LAMA2: variants seen among roughly 807,000 people sequenced by gnomAD.
LAMA2 encodes the protein laminin subunit alpha-2.
A neutral mutation model predicts 364.8 loss-of-function variants in LAMA2; 269 were observed. That is an observed-to-expected ratio of 0.74 (90% confidence interval 0.67 to 0.82). LAMA2 has a LOEUF of 0.82. LAMA2 is among the 40% of genes least tolerant of loss of function. LAMA2 has a pLI of 0.00. For synonymous variants in LAMA2, 1,379 were observed against 1,370.6 expected (o/e 1.01, Z -0.14); for missense variants, 3,807 against 3,873.2 (o/e 0.98, Z 0.45).
At chr6:129,498,612 A>G (rs1490957513) in intron 58 of LAMA2, among the ~76,000 whole-genome samples, 2 of 152,230 alleles carry the variant, frequency 1.3e-5, no homozygotes, top group Non-Finnish European at 2.9e-5. Context: ...TTATTCATCC[A>G]TAAAGAAAAT....
At chr6:128,918,342 G>T (rs1315703151) in intron 1 of LAMA2, among the ~76,000 whole-genome samples, 1 of 152,022 alleles carries the variant, frequency 6.6e-6, no homozygotes, top group Admixed American at 6.6e-5. Context: ...TTTTTAGGAT[G>T]TATATATATT....
intron 35 of LAMA2, among the ~76,000 whole-genome samples, chr6:129,388,979 A>G (rs1444141202): frequency 6.6e-6 from 1 of 152,204 alleles, no homozygotes. Flanking sequence ...CTTCCCACCT[A>G]GTTTGCTGGA....
intron 1 of LAMA2, among the ~76,000 whole-genome samples, chr6:129,027,340 C>G (rs1279632839): frequency 2.0e-5 from 3 of 152,020 alleles, no homozygotes; most frequent in Non-Finnish European, 4.4e-5. Context: ...CACATATTTT[C>G]ACCCCACTGA....
At chr6:129,205,393 C>T (rs530275161) in intron 12 of LAMA2, among the ~76,000 whole-genome samples, 1 of 130,404 alleles carries the variant, frequency 7.7e-6, no homozygotes, top group East Asian at 2.3e-4. Flanking sequence ...GATTCCATCT[C>T]AAAAAAAAAA....
At chr6:129,081,417 AT>A (rs769016751) in intron 3 of LAMA2, among the ~76,000 whole-genome samples, 2 of 152,216 alleles carry the variant, frequency 1.3e-5, no homozygotes, top group African/African-American at 2.4e-5. Context: ...CTTAAAAAAA[AT>A]GAAATGTCCG....
chr6:129,314,850 G>C (rs755109992), intron 24 of LAMA2, 52 bp downstream of exon 24: 1 of 1,596,906 alleles, frequency 6.3e-7, no homozygotes, highest in South Asian at 1.1e-5. Context: ...GTTCCTGCTG[G>C]TGTCTTTTAG....
At chr6:128,913,111 C>T (rs1209099269) in intron 1 of LAMA2, among the ~76,000 whole-genome samples, 2 of 152,138 alleles carry the variant, frequency 1.3e-5, no homozygotes, top group Non-Finnish European at 2.9e-5. Flanking sequence ...CCAATCCACT[C>T]TGAGAGATTA....
At chr6:129,428,446 C>T (rs1422278351) in intron 41 of LAMA2, among the ~76,000 whole-genome samples, 1 of 152,118 alleles carries the variant, frequency 6.6e-6, no homozygotes, top group African/African-American at 2.4e-5. Context: ...AAAAGAAAAA[C>T]AAAATTAAAT....
chr6:129,080,288 A>G (rs558147048), intron 3 of LAMA2, among the ~76,000 whole-genome samples: 2 of 152,212 alleles, frequency 1.3e-5, no homozygotes, highest in Non-Finnish European at 2.9e-5. Context: ...TTCTGATGTC[A>G]AAGCCTGCCG....
intron 10 of LAMA2, among the ~76,000 whole-genome samples, chr6:129,184,503 G>A (rs115146274): frequency 0.019 from 2,925 of 151,866 alleles, 115 homozygotes; most frequent in African/African-American, 0.066. Context: ...ACCTAGCTTG[G>A]TTAAAGCAAG....
At chr6:128,910,812 C>A (rs13205730) in intron 1 of LAMA2, among the ~76,000 whole-genome samples, 1 of 147,444 alleles carries the variant, frequency 6.8e-6, no homozygotes, top group Non-Finnish European at 1.5e-5. Flanking sequence ...CAGATGGGTT[C>A]TTGGTGTGGA....
At chr6:129,230,855 A>G (rs959824995) in intron 12 of LAMA2, among the ~76,000 whole-genome samples, 2 of 152,098 alleles carry the variant, frequency 1.3e-5, no homozygotes, top group African/African-American at 4.8e-5. Flanking sequence ...GACAGTGATG[A>G]GAAACCCTCA....
chr6:129,391,353 C>A (rs1217094915), intron 35 of LAMA2, 138 bp from the exon 36 acceptor site: 1 of 760,682 alleles, frequency 1.3e-6, no homozygotes, highest in South Asian at 1.4e-5. Context: ...TCTTAACTGC[C>A]TCTGTGGTTC....
intron 1 of LAMA2, among the ~76,000 whole-genome samples, chr6:129,009,879 T>C (rs982938548): frequency 2.0e-5 from 3 of 152,180 alleles, no homozygotes; most frequent in Non-Finnish European, 4.4e-5. Context: ...CTTGATTATA[T>C]GGCAGGATCC....
intron 40 of LAMA2, among the ~76,000 whole-genome samples, chr6:129,414,299 G>A (rs1780679900): frequency 6.6e-6 from 1 of 151,944 alleles, no homozygotes; most frequent in Non-Finnish European, 1.5e-5. Flanking sequence ...GGAAAAAGAA[G>A]AAAAATTTCC....
intron 1 of LAMA2, among the ~76,000 whole-genome samples, chr6:128,902,824 T>A (rs1777174289): frequency 6.6e-6 from 1 of 152,138 alleles, no homozygotes; most frequent in South Asian, 2.1e-4. Context: ...CAACACCCAA[T>A]GTTTTCTTGA....
At chr6:129,279,913 A>G in intron 17 of LAMA2, 148 bp from the exon 18 acceptor site, 1 of 714,440 alleles carries the variant, frequency 1.4e-6, no homozygotes, top group East Asian at 2.7e-5. Context: ...TCCATTGGCC[A>G]GACCCTAATC....
intron 1 of LAMA2, among the ~76,000 whole-genome samples, chr6:129,024,274 AG>A (rs200884388): frequency 0.021 from 3,186 of 152,036 alleles, 114 homozygotes; most frequent in African/African-American, 0.072. Context: ...TAAAAAAAAA[AG>A]TAGGAAGCAT....
At chr6:129,072,876 GAAGT>G (rs1217065502) in intron 3 of LAMA2, among the ~76,000 whole-genome samples, 1 of 151,992 alleles carries the variant, frequency 6.6e-6, no homozygotes. Context: ...AACTCCATAG[GAAGT>G]AATTGTTACC....
Sources: allele counts gnomAD v4.1 joint callset (sites outside exome capture counted in the v4.1 genomes callset), GRCh38; gene constraint gnomAD v4.1.1; transcripts MANE v1.5; gene names NCBI Gene and HGNC (gene_info 2026-07-23, HGNC 2026-07-21).